The following RAB3C variants were observed in gnomAD, a reference collection of about 807,000 sequenced individuals.
The protein encoded by RAB3C is ras-related protein Rab-3C.
In RAB3C, 17 loss-of-function variants were observed where a neutral mutation model predicts 26.4. The ratio of observed to expected loss-of-function variants is 0.64; its 90% CI spans 0.44 to 0.97. RAB3C has a LOEUF of 0.97. RAB3C is among the 50% of genes least tolerant of loss of function. The pLI, the probability that RAB3C is intolerant of heterozygous loss-of-function variation, is 0.00. For missense variants in RAB3C, 242 were observed against 281.9 expected, an observed-to-expected ratio of 0.86 and a Z score of 1.01; for synonymous variants, 91 against 95.9, an observed-to-expected ratio of 0.95 and a Z score of 0.30.
chr5:58,788,658 T>C (rs981909460), intron 3 of RAB3C, among the ~76,000 whole-genome samples: 2 of 152,156 alleles, frequency 1.3e-5, no homozygotes, highest in African/African-American at 2.4e-5. Flanking sequence ...GTGTGTAGAA[T>C]TGAACAGTGG....
chr5:58,729,913 T>TTA lies in RAB3C; in HGVS notation c.371+3802_371+3803dup, dbSNP rs566791089. On this transcript the variant is annotated intron_variant, in intron 3 of 4. Transcript: ENST00000282878. ...TACATATACTATATGTATATTTATA[T>TTA]TATATATATACACATATACATATCC... 1.4e-5 allele frequency among the ~76,000 whole-genome samples: 2 copies of TTA among 146,940 alleles called. 1 individual carries two copies. Among genetic ancestry groups the TTA allele is most frequent in the Middle Eastern group, 6.5e-3 (2 of 306 alleles).
intron 2 of RAB3C, among the ~76,000 whole-genome samples, chr5:58,641,832 T>C (rs935109278): frequency 2.0e-5 from 3 of 152,196 alleles, no homozygotes; most frequent in African/African-American, 2.4e-5. Context: ...CTATTAACTG[T>C]TTTGTTCTTT....
At chr5:58,610,069 A>G (rs549037451) in intron 1 of RAB3C, among the ~76,000 whole-genome samples, 7 of 152,302 alleles carry the variant, frequency 4.6e-5, no homozygotes, top group Non-Finnish European at 1.5e-5. Flanking sequence ...GACTTTTACC[A>G]GGAGAAATCG....
intron 2 of RAB3C, among the ~76,000 whole-genome samples, chr5:58,628,689 G>A (rs1283712862): frequency 2.0e-5 from 3 of 148,916 alleles, no homozygotes; most frequent in Non-Finnish European, 4.5e-5. Context: ...CCGGAGCACA[G>A]GGTAGGGTGA....
chr5:58,810,102 G>A lies in RAB3C; in HGVS notation c.372-14936G>A, dbSNP rs77938133. On this transcript the variant is annotated intron_variant, in intron 3 of 4. Transcript: ENST00000282878. ...AACAATAGAGCTGTTGCCCCTCCTA[G>A]AGAAGCTGCTGAAAGCCGGGGAGAA... Among the ~76,000 whole-genome samples the A allele has an allele frequency of 2.9e-3, 449 of 152,260 alleles. 1 individual carries two copies. The highest frequency in any genetic ancestry group is 9.5e-3 in the African/African-American group (393 of 41,552).
chr5:58,837,119 C>T (rs1393660554), intron 4 of RAB3C, among the ~76,000 whole-genome samples: 5 of 152,172 alleles, frequency 3.3e-5, no homozygotes, highest in Non-Finnish European at 5.9e-5. Context: ...TTTTGATTCA[C>T]ATTTCTCTGA....
At chr5:58,827,076 A>G (rs1743498267) in intron 4 of RAB3C, among the ~76,000 whole-genome samples, 2 of 152,194 alleles carry the variant, frequency 1.3e-5, no homozygotes, top group Admixed American at 6.5e-5. Context: ...TGAAGTTACC[A>G]TCTCTGCCAC....
intron 2 of RAB3C, among the ~76,000 whole-genome samples, chr5:58,675,615 CTTTTTTTT>C (rs1195191076): frequency 2.2e-5 from 2 of 89,402 alleles, no homozygotes; most frequent in Admixed American, 1.2e-4. Flanking sequence ...GGCCATTTGT[CTTTTTTTT>C]TTTTTTTTTT....
At chr5:58,722,846 A>G (rs527944683) in intron 2 of RAB3C, among the ~76,000 whole-genome samples, 112 of 151,986 alleles carry the variant, frequency 7.4e-4, no homozygotes, top group African/African-American at 2.6e-3. Flanking sequence ...CCTAGCATCT[A>G]CATTTTTATT....
intron 3 of RAB3C, among the ~76,000 whole-genome samples, chr5:58,760,556 A>G (rs1043017602): frequency 2.0e-5 from 3 of 152,228 alleles, no homozygotes; most frequent in Non-Finnish European, 2.9e-5. Flanking sequence ...TTAACTGAAT[A>G]TCACCCCAAA....
chr5:58,605,993 C>T (rs541330450), intron 1 of RAB3C, among the ~76,000 whole-genome samples: 17 of 152,258 alleles, frequency 1.1e-4, no homozygotes, highest in South Asian at 1.0e-3. Context: ...ACACTGAAGA[C>T]GGGTGATTTC....
rs1464520849 is a variant in RAB3C, at chr5:58,610,637, T to A, written c.25-7006T>A. On this transcript the variant is annotated intron_variant, in intron 1 of 4. Coordinates refer to ENST00000282878, the MANE Select transcript of RAB3C (RefSeq NM_138453.4). ...CCATCCTTATTTTTACCCTTCTAATTTCAAAGAATAATTGCATTTTTTTTT... is the reference window on the plus strand; with the variant it reads ...CCATCCTTATTTTTACCCTTCTAATATCAAAGAATAATTGCATTTTTTTTT... Among the ~76,000 whole-genome samples, 7 of 152,096 alleles carry A rather than the reference T, an allele frequency of 4.6e-5. No individual in the cohort carries two copies. The East Asian group carries it at 1.3e-3, about 29-fold the overall frequency.
At chr5:58,616,207 A>G (rs1348868679) in intron 1 of RAB3C, among the ~76,000 whole-genome samples, 2 of 152,232 alleles carry the variant, frequency 1.3e-5, no homozygotes, top group Admixed American at 6.5e-5. Context: ...GTTTTCTGCA[A>G]TTATGCCAAT....
intron 2 of RAB3C, among the ~76,000 whole-genome samples, chr5:58,651,821 C>T (rs562978888): frequency 5.9e-4 from 89 of 152,078 alleles, no homozygotes; most frequent in Non-Finnish European, 8.8e-4. Flanking sequence ...GCCTGATGCT[C>T]GGGTCTCTTA....
chr5:58,642,742 T>C (rs1747434945), intron 2 of RAB3C, among the ~76,000 whole-genome samples: 1 of 152,254 alleles, frequency 6.6e-6, no homozygotes, highest in Non-Finnish European at 1.5e-5. Context: ...TTAACTTCAC[T>C]TCTTCCTCCC....
intron 3 of RAB3C, among the ~76,000 whole-genome samples, chr5:58,751,737 GCTGA>G (rs754348474): frequency 3.6e-4 from 55 of 152,294 alleles, no homozygotes; most frequent in Non-Finnish European, 6.6e-4. Flanking sequence ...TTTTGACTGA[GCTGA>G]CTTTTTATTT....
Position 58,760,536 on chromosome 5 carries a change from A to G in RAB3C, c.371+34416A>G, listed in dbSNP as rs188902920. Reference sequence around the variant, plus strand: ...CATCATGATGCTCAAAAAAGGGATCACCAAAACACTTAACTGAATATCACC... The same window carrying G: ...CATCATGATGCTCAAAAAAGGGATCGCCAAAACACTTAACTGAATATCACC... On this transcript the variant is annotated intron_variant, in intron 3 of 4. Transcript: ENST00000282878. Among the ~76,000 whole-genome samples, 221 of 152,340 alleles carry G rather than the reference A, an allele frequency of 1.5e-3. 2 individuals carry two copies. Among genetic ancestry groups the G allele is most frequent in the African/African-American group, 5.2e-3 (215 of 41,574 alleles).
intron 3 of RAB3C, among the ~76,000 whole-genome samples, chr5:58,805,164 A>G (rs1742908147): frequency 1.3e-5 from 2 of 152,164 alleles, no homozygotes; most frequent in Admixed American, 1.3e-4. Context: ...GAGAGACTAC[A>G]AGCAAGTCTC....
At chr5:58,799,036 T>A (rs530350851) in intron 3 of RAB3C, among the ~76,000 whole-genome samples, 1 of 152,290 alleles carries the variant, frequency 6.6e-6, no homozygotes, top group South Asian at 2.1e-4. Context: ...GAAGAAACAT[T>A]AGGTATGAAG....
Sources: gnomAD v4.1 joint callset for allele counts (sites outside exome capture counted in the v4.1 genomes callset) on GRCh38, gnomAD v4.1.1 for gene constraint, MANE v1.5 for transcripts, NCBI Gene and HGNC (gene_info 2026-07-23, HGNC 2026-07-21) for gene names.